Variants in DOCK2 observed in about 807,000 individuals in gnomAD.
DOCK2 encodes dedicator of cytokinesis protein 2.
Under a neutral mutation model 248.9 loss-of-function variants are expected in DOCK2, and 87 were observed. The ratio of observed to expected loss-of-function variants is 0.35; its 90% CI spans 0.29 to 0.42. The LOEUF is 0.42. Ranked by LOEUF, DOCK2 falls within the 10% of genes least tolerant of loss-of-function variation. The pLI, the probability that DOCK2 is intolerant of heterozygous loss-of-function variation, is 1.00. For missense variants in DOCK2, 1,747 were observed against 2,300.2 expected (o/e 0.76, Z 4.92); for synonymous variants, 805 against 821.6 (o/e 0.98, Z 0.35).
intron 24 of DOCK2, among the ~76,000 whole-genome samples, chr5:169,761,021 A>G (rs1764455531): frequency 6.6e-6 from 1 of 152,254 alleles, no homozygotes; most frequent in South Asian, 2.1e-4. Context: ...AAAAAAAATT[A>G]GAGATTTTGA....
chr5:169,757,640 A>G (rs1467884818), intron 23 of DOCK2, among the ~76,000 whole-genome samples: 5 of 152,238 alleles, frequency 3.3e-5, no homozygotes, highest in Non-Finnish European at 7.3e-5. Context: ...TTTCTATGCA[A>G]TGGAACAACA....
At chr5:169,989,441 C>T (rs1244408379) in intron 29 of DOCK2, among the ~76,000 whole-genome samples, 1 of 152,204 alleles carries the variant, frequency 6.6e-6, no homozygotes, top group Non-Finnish European at 1.5e-5. Flanking sequence ...CCTAAAGTTA[C>T]CCTAAATGCA....
intron 27 of DOCK2, among the ~76,000 whole-genome samples, chr5:169,857,479 C>A (rs1038644194): frequency 6.6e-6 from 1 of 152,106 alleles, no homozygotes; most frequent in Non-Finnish European, 1.5e-5. Flanking sequence ...GTACCCGGCC[C>A]CTCTCTCACT....
chr5:169,710,985 T>G (rs530017077), intron 15 of DOCK2, among the ~76,000 whole-genome samples: 4 of 152,312 alleles, frequency 2.6e-5, no homozygotes, highest in African/African-American at 9.6e-5. Context: ...GCACCCCACA[T>G]GATTGTAGCT....
chr5:169,792,022 T>A (rs1581195338), intron 25 of DOCK2, among the ~76,000 whole-genome samples: 1 of 152,208 alleles, frequency 6.6e-6, no homozygotes, highest in Non-Finnish European at 1.5e-5. Context: ...CCTGGTTAAG[T>A]AGAGATTGAG....
intron 27 of DOCK2, among the ~76,000 whole-genome samples, chr5:169,898,569 G>A (rs941642656): frequency 5.3e-5 from 8 of 151,512 alleles, no homozygotes; most frequent in African/African-American, 1.5e-4. Flanking sequence ...AACACACACC[G>A]GATTGCAGTA....
chr5:170,061,004 C>T (rs910410268), intron 44 of DOCK2, among the ~76,000 whole-genome samples: 7 of 151,866 alleles, frequency 4.6e-5, no homozygotes, highest in East Asian at 3.9e-4. Flanking sequence ...CACTCCAGCC[C>T]GGGCAACAGA....
chr5:169,684,532 A>G (rs1759844802), intron 8 of DOCK2, among the ~76,000 whole-genome samples, 182 bp downstream of exon 8: 1 of 152,252 alleles, frequency 6.6e-6, no homozygotes, highest in Admixed American at 6.5e-5. Context: ...ATTTACCACC[A>G]GTTTTTTCCC....
At chr5:169,637,445 GC>G (rs1437780869) in intron 1 of DOCK2, 76 bp downstream of exon 1, 11 of 1,284,260 alleles carry the variant, frequency 8.6e-6, no homozygotes, top group Non-Finnish European at 1.1e-5. Flanking sequence ...ATGCTGCGGG[GC>G]CGGCGGCGCG....
chr5:170,022,384 G>C (rs775118709), intron 33 of DOCK2, among the ~76,000 whole-genome samples: 1 of 152,118 alleles, frequency 6.6e-6, no homozygotes. Context: ...CTCTGCTCTG[G>C]GTTTCTTTTA....
intron 26 of DOCK2, among the ~76,000 whole-genome samples, chr5:169,835,258 T>C (rs921667634): frequency 2.6e-4 from 35 of 133,938 alleles, no homozygotes; most frequent in African/African-American, 9.9e-4. Context: ...GTGAAATGCC[T>C]GGTTTTTTTT....
intron 22 of DOCK2, among the ~76,000 whole-genome samples, chr5:169,738,869 C>T (rs769020446): frequency 3.9e-5 from 6 of 152,106 alleles, no homozygotes; most frequent in Admixed American, 6.5e-5. Flanking sequence ...GTCCTGTGAC[C>T]GATACCATTG....
At chr5:169,883,135 G>A (rs1772761345) in intron 27 of DOCK2, 1 of 1,551,636 alleles carries the variant, frequency 6.4e-7, no homozygotes, top group Non-Finnish European at 8.7e-7. Flanking sequence ...GCAGGAGGTG[G>A]ATTTTTCTGA....
At chr5:169,851,610 G>A (rs756392727) in intron 27 of DOCK2, among the ~76,000 whole-genome samples, 30 of 152,304 alleles carry the variant, frequency 2.0e-4, no homozygotes, top group South Asian at 1.9e-3. Flanking sequence ...ATGTGTATTA[G>A]TCTGTTTTCA....
intron 22 of DOCK2, among the ~76,000 whole-genome samples, chr5:169,727,688 T>C (rs1280239769): frequency 6.6e-6 from 1 of 152,232 alleles, no homozygotes; most frequent in African/African-American, 2.4e-5. Flanking sequence ...TTATCTCACA[T>C]GAAGACATTA....
chr5:169,958,348 A>G (rs915137439), intron 27 of DOCK2, among the ~76,000 whole-genome samples: 10 of 152,110 alleles, frequency 6.6e-5, no homozygotes, highest in Non-Finnish European at 1.3e-4. Context: ...GTTTCTGGGG[A>G]CAGTGAAAAG....
At chr5:169,844,865 G>C (rs1770210381) in intron 27 of DOCK2, among the ~76,000 whole-genome samples, 1 of 151,942 alleles carries the variant, frequency 6.6e-6, no homozygotes, top group East Asian at 1.9e-4. Context: ...TAGAGATCCT[G>C]TGTGAATTAA....
chr5:169,864,039 C>T (rs1396002306), intron 27 of DOCK2, among the ~76,000 whole-genome samples: 3 of 152,120 alleles, frequency 2.0e-5, no homozygotes, highest in East Asian at 1.9e-4. Flanking sequence ...ACTTGGCAAG[C>T]GGTCACTCTA....
At chr5:169,834,821 C>G (rs1561747189) in intron 26 of DOCK2, among the ~76,000 whole-genome samples, 1 of 152,208 alleles carries the variant, frequency 6.6e-6, no homozygotes, top group Non-Finnish European at 1.5e-5. Flanking sequence ...TTAAAGAGAA[C>G]TAAGGAACAA....
Sources: gnomAD v4.1 joint callset for allele counts (sites outside exome capture counted in the v4.1 genomes callset) on GRCh38, gnomAD v4.1.1 for gene constraint, MANE v1.5 for transcripts, NCBI Gene and HGNC (gene_info 2026-07-23, HGNC 2026-07-21) for gene names.